Variants in VRK3 observed in about 807,000 individuals in gnomAD.
VRK3 encodes the protein VRK serine/threonine kinase 3.
A neutral mutation model predicts 60.4 loss-of-function variants in VRK3; 50 were observed. The observed-to-expected ratio is 0.83, with a 90% CI of 0.66 to 1.05. The LOEUF is 1.05. VRK3 is among the 50% of genes least tolerant of loss of function. The pLI, the probability that VRK3 is intolerant of heterozygous loss-of-function variation, is 0.00. For synonymous variants in VRK3, 246 were observed against 227.8 expected (o/e 1.08, Z -0.72); for missense variants, 549 against 585.3 (o/e 0.94, Z 0.64).
chr19:50,019,026 G>A (rs1390151420), intron 2 of VRK3: 4 of 151,448 alleles, frequency 2.6e-5, no homozygotes, highest in East Asian at 2.0e-4. Flanking sequence ...TTAGCTGGGC[G>A]CGGTGGCAGG....
chr19:50,004,745 A>T (rs945981257), intron 5 of VRK3, among the ~76,000 whole-genome samples: 5 of 151,550 alleles, frequency 3.3e-5, no homozygotes, highest in Admixed American at 1.3e-4. Context: ...GTCTCTATTT[A>T]AAAAAAATTA....
At chr19:50,007,872 A>G (rs1397594714) in intron 4 of VRK3, 46 bp from the exon 5 acceptor site, 2 of 1,607,294 alleles carry the variant, frequency 1.2e-6, no homozygotes, top group Admixed American at 3.4e-5. Context: ...TCCAGGAGAG[A>G]AAAGTTAGAT....
intron 5 of VRK3, among the ~76,000 whole-genome samples, chr19:50,004,290 C>T (rs891706861): frequency 6.6e-6 from 1 of 152,040 alleles, no homozygotes; most frequent in Non-Finnish European, 1.5e-5. Context: ...CCCTCCTGCC[C>T]TCTCCCCACC....
At chr19:49,990,492 C>T (rs1440291156) in intron 10 of VRK3, among the ~76,000 whole-genome samples, 2 of 151,714 alleles carry the variant, frequency 1.3e-5, no homozygotes, top group African/African-American at 4.8e-5. Flanking sequence ...GTGATCCTCC[C>T]ACCTCAGCCT....
At chr19:49,978,433 T>C (rs2076367544) in intron 14 of VRK3, 1 of 152,388 alleles carries the variant, frequency 6.6e-6, no homozygotes, top group Non-Finnish European at 1.5e-5. Flanking sequence ...CACAAAGTGC[T>C]GATGGAAGTA....
At position 49,995,230 on chromosome 19, in the gene VRK3, G is replaced by C. The variant is rs770798508; in HGVS notation, c.725C>G (p.Pro242Arg). 1.9e-6 allele frequency: 3 copies of C among 1,614,222 alleles called. No individual in the cohort carries two copies. In the Admixed American group the frequency reaches 5.0e-5, roughly 27 times the overall value. ...KLYSTPLLAI[P>R]TCMGFGVHQD... ...GTGAACACCGAAACCCATGCAGGTA[G>C]GGATGGCCAGCAGTGGGGTCGAGTA... The change falls in exon 8 of 15, where the codon CCT becomes CGT. Residue 242 changes from proline (P) to arginine (R), a missense_variant. Coordinates refer to ENST00000316763, the MANE Select transcript of VRK3 (RefSeq NM_016440.4).
intron 5 of VRK3, among the ~76,000 whole-genome samples, chr19:50,005,446 A>G (rs907296975): frequency 6.7e-6 from 1 of 149,664 alleles, no homozygotes; most frequent in Non-Finnish European, 1.5e-5. Context: ...TGGAGCCCAG[A>G]GCCTAATAAT....
intron 6 of VRK3, chr19:49,999,160 G>C (rs2076757624): frequency 6.6e-6 from 1 of 152,134 alleles, no homozygotes; most frequent in South Asian, 2.1e-4. Context: ...CATAATGCTT[G>C]TGACACTCAG....
intron 14 of VRK3, chr19:49,978,534 G>C (rs2076369223): frequency 6.5e-6 from 1 of 153,764 alleles, no homozygotes; most frequent in African/African-American, 2.4e-5. Flanking sequence ...AGCACTGTTG[G>C]TAAAATAAAA....
intron 5 of VRK3, among the ~76,000 whole-genome samples, chr19:50,003,780 G>A (rs1283987902): frequency 1.1e-4 from 16 of 152,254 alleles, no homozygotes; most frequent in Admixed American, 1.0e-3. Context: ...CTGGGGCGAT[G>A]TCACCCAATG....
At chr19:50,017,435 G>A (rs933785308) in intron 2 of VRK3, among the ~76,000 whole-genome samples, 8 of 151,246 alleles carry the variant, frequency 5.3e-5, no homozygotes, top group Admixed American at 3.3e-4. Context: ...TTAGCCAGGC[G>A]TGGTGGTGCA....
chr19:50,010,066 A>G (rs991147988), intron 3 of VRK3, among the ~76,000 whole-genome samples: 5 of 151,880 alleles, frequency 3.3e-5, no homozygotes, highest in African/African-American at 1.2e-4. Context: ...ATATACACAC[A>G]CACACACATA....
At position 49,978,943 on chromosome 19, in the gene VRK3, G is replaced by A. The variant is rs142045442; in HGVS notation, c.*11+140C>T. On this transcript the variant is annotated intron_variant, in intron 14 of 14. Transcript: ENST00000316763. ...AGGCTGGGAAGTTCAAGGACCGTGCGGAAAAACCCAGTGTCTCCCTGGGAA... is the reference window on the plus strand; with the variant it reads ...AGGCTGGGAAGTTCAAGGACCGTGCAGAAAAACCCAGTGTCTCCCTGGGAA... 8.2e-4 allele frequency: 728 copies of A among 882,466 alleles called. 4 individuals carry two copies. The African/African-American group carries it at 0.011, about 13-fold the overall frequency. 54.7% of individuals were successfully genotyped at this position (882,466 alleles called of 1,614,324 possible).
intron 1 of VRK3, among the ~76,000 whole-genome samples, chr19:50,022,633 C>CAA (rs1172963553): frequency 1.1e-4 from 16 of 144,798 alleles, no homozygotes; most frequent in African/African-American, 4.0e-4. Context: ...TAAAAAAGTA[C>CAA]AAAAAAAAAA....
In VRK3 at chr19:49,980,960, G is replaced by A; in HGVS notation, c.1271C>T (p.Pro424Leu). Residue 424 changes from proline to leucine, a missense_variant, in exon 13 of 15, where the codon CCC (proline) becomes CTC (leucine). Pro to Leu is a moderately conservative substitution (Grantham distance 98). Coordinates refer to ENST00000316763, the MANE Select transcript of VRK3 (RefSeq NM_016440.4). The stretch of plus-strand genomic sequence containing the variant: ...CCGCTCCCTTCAGGACGTACCTGAG[G>A]GCCTGATCCAGTGACCGCAGGGTCC... ...FVGPCGHWIR[P>L]SETLQKYLKV... is the part of the protein sequence containing the mutation. 6.2e-7 allele frequency: 1 copy of A among 1,610,450 alleles called. No homozygotes were observed. The highest frequency in any genetic ancestry group is 8.5e-7 in the Non-Finnish European group (1 of 1,178,460).
intron 12 of VRK3, chr19:49,987,600 T>C (rs540821522): frequency 6.6e-6 from 1 of 152,338 alleles, no homozygotes; most frequent in Admixed American, 6.5e-5. Context: ...GGACACTGCA[T>C]AGGTGGTGCT....
chr19:49,995,920 T>A (rs957646339), intron 7 of VRK3, among the ~76,000 whole-genome samples: 1 of 152,014 alleles, frequency 6.6e-6, no homozygotes, highest in African/African-American at 2.4e-5. Context: ...AGCTAATTTT[T>A]TTTTATTTTT....
chr19:50,006,788 G>A (rs1456149767), intron 5 of VRK3, among the ~76,000 whole-genome samples: 5 of 152,336 alleles, frequency 3.3e-5, no homozygotes, highest in Middle Eastern at 6.8e-3. Flanking sequence ...CCTTGCAGAA[G>A]CACTCAATAT....
intron 3 of VRK3, among the ~76,000 whole-genome samples, chr19:50,010,926 A>G (rs529044023): frequency 6.9e-6 from 1 of 145,194 alleles, no homozygotes; most frequent in African/African-American, 2.4e-5. Context: ...ACAAAAACAA[A>G]AACAAAAAAC....
Sources: allele counts gnomAD v4.1 joint callset (sites outside exome capture counted in the v4.1 genomes callset), GRCh38; gene constraint gnomAD v4.1.1; transcripts MANE v1.5; gene names NCBI Gene and HGNC (gene_info 2026-07-23, HGNC 2026-07-21).